Variants in PLEKHA7 observed in about 807,000 individuals in gnomAD.
PLEKHA7 encodes pleckstrin homology domain containing A7.
In PLEKHA7, 104 loss-of-function variants were observed where a neutral mutation model predicts 170.0. The observed-to-expected ratio is 0.61, with a 90% confidence interval of 0.52 to 0.72. The LOEUF (loss-of-function observed/expected upper bound fraction) is 0.72. Among genes scored for constraint, PLEKHA7 ranks in the 30% least tolerant of loss-of-function variants. The pLI, the probability that PLEKHA7 is intolerant of heterozygous loss-of-function variation, is 0.00. For synonymous variants in PLEKHA7, 648 were observed against 660.8 expected (o/e 0.98, Z 0.30); for missense variants, 1,615 against 1,671.7 (o/e 0.97, Z 0.59).
At chr11:16,796,986 A>T (rs1246992193) in intron 17 of PLEKHA7, among the ~76,000 whole-genome samples, 1 of 152,230 alleles carries the variant, frequency 6.6e-6, no homozygotes, top group Non-Finnish European at 1.5e-5. Flanking sequence ...TAATTTTATG[A>T]CATGTGAAAT....
chr11:16,780,591 C>T (rs1848948555), intron 26 of PLEKHA7, among the ~76,000 whole-genome samples: 1 of 152,242 alleles, frequency 6.6e-6, no homozygotes, highest in South Asian at 2.1e-4. Flanking sequence ...CTCTTCCTTT[C>T]CAGCCCCCCA....
chr11:16,974,108 T>C (rs916969696), intron 3 of PLEKHA7, among the ~76,000 whole-genome samples: 1 of 152,164 alleles, frequency 6.6e-6, no homozygotes, highest in African/African-American at 2.4e-5. Context: ...AATTTTAAAA[T>C]AGTTCAAACC....
intron 3 of PLEKHA7, among the ~76,000 whole-genome samples, chr11:16,977,925 A>G (rs1336553144): frequency 6.6e-6 from 1 of 152,036 alleles, no homozygotes; most frequent in Admixed American, 6.5e-5. Flanking sequence ...ACAAGACAAC[A>G]TCAGGGGCCC....
At chr11:16,799,114 G>A (rs1244075698) in intron 17 of PLEKHA7, among the ~76,000 whole-genome samples, 1 of 152,122 alleles carries the variant, frequency 6.6e-6, no homozygotes, top group East Asian at 1.9e-4. Flanking sequence ...GTGTAAATGA[G>A]GAATACATTT....
intron 5 of PLEKHA7, 85 bp from the exon 6 acceptor site, chr11:16,855,078 C>T: frequency 9.2e-7 from 1 of 1,089,340 alleles, no homozygotes; most frequent in South Asian, 1.3e-5. Flanking sequence ...ACCGTCGGCT[C>T]TCTCTGCCTC....
chr11:16,899,394 G>A (rs999892397), intron 3 of PLEKHA7, among the ~76,000 whole-genome samples: 4 of 152,326 alleles, frequency 2.6e-5, no homozygotes, highest in Non-Finnish European at 5.9e-5. Context: ...CTACTAGGGA[G>A]GCTGAGGAAG....
At chr11:16,937,116 C>T (rs922923280) in intron 3 of PLEKHA7, among the ~76,000 whole-genome samples, 3 of 151,758 alleles carry the variant, frequency 2.0e-5, no homozygotes, top group Non-Finnish European at 4.4e-5. Flanking sequence ...TGTTAATAAC[C>T]GTGGAGTAAA....
chr11:16,787,706 CAA>C (rs1400886544), intron 23 of PLEKHA7: 1 of 152,142 alleles, frequency 6.6e-6, no homozygotes, highest in African/African-American at 2.4e-5. Flanking sequence ...GAGACTTACA[CAA>C]GTCTTCTTTT....
chr11:16,984,522 G>A (rs926875463), intron 3 of PLEKHA7, among the ~76,000 whole-genome samples: 21 of 152,080 alleles, frequency 1.4e-4, no homozygotes, highest in Middle Eastern at 3.4e-3. Flanking sequence ...CTGTTTCCTC[G>A]TCATGGCATG....
intron 3 of PLEKHA7, among the ~76,000 whole-genome samples, chr11:16,894,262 G>A (rs1856860462): frequency 6.6e-6 from 1 of 152,134 alleles, no homozygotes; most frequent in African/African-American, 2.4e-5. Context: ...CTAGGAAAGG[G>A]CAAAATGGGA....
chr11:16,912,857 C>T (rs1858351157), intron 3 of PLEKHA7, among the ~76,000 whole-genome samples: 2 of 152,196 alleles, frequency 1.3e-5, no homozygotes. Flanking sequence ...TGACTCGCTC[C>T]ACCCTGCTGG....
Position 16,789,919 on chromosome 11 carries a change from G to A in PLEKHA7, c.3053-41C>T. 6.5e-7 allele frequency: 1 copy of A among 1,548,300 alleles called. No homozygotes were observed. Among genetic ancestry groups the A allele is most frequent in the South Asian group, 1.1e-5 (1 of 89,420 alleles). ...GAAGTGCAAGCATGTTTGTGCTGGG[G>A]TGGATGGGTCCCTGCTTCTCCCTCA... On this transcript the variant is annotated intron_variant, in intron 21 of 26. Transcript: ENST00000531066. This position sits in a 1 kb window ranked among gnomAD's most constrained non-coding sequence, Gnocchi z 4.6.
At chr11:16,929,227 A>G (rs1306450728) in intron 3 of PLEKHA7, among the ~76,000 whole-genome samples, 1 of 152,218 alleles carries the variant, frequency 6.6e-6, no homozygotes, top group Admixed American at 6.5e-5. Flanking sequence ...AAGGACAGAA[A>G]GTACATCGTC....
chr11:16,938,075 A>ATT (rs1730090727), intron 3 of PLEKHA7, among the ~76,000 whole-genome samples: 3 of 151,968 alleles, frequency 2.0e-5, no homozygotes, highest in Non-Finnish European at 4.4e-5. Context: ...TTTTCCTCTT[A>ATT]CTTATATTTT....
chr11:16,964,260 T>C (rs906741475), intron 3 of PLEKHA7, among the ~76,000 whole-genome samples: 2 of 152,214 alleles, frequency 1.3e-5, no homozygotes, highest in Admixed American at 1.3e-4. Context: ...CTACCATGAA[T>C]AATGCTGCAA....
intron 3 of PLEKHA7, among the ~76,000 whole-genome samples, chr11:16,961,835 C>T (rs1248581956): frequency 6.6e-6 from 1 of 152,342 alleles, no homozygotes; most frequent in East Asian, 1.9e-4. Context: ...TTCACTTCTC[C>T]GTGCTTCAGT....
chr11:16,935,110 G>A (rs1860197376), intron 3 of PLEKHA7, among the ~76,000 whole-genome samples: 1 of 152,202 alleles, frequency 6.6e-6, no homozygotes, highest in East Asian at 1.9e-4. Context: ...GGGAAATTGG[G>A]AAAAAGAACC....
chr11:16,972,175 T>C (rs1862761025), intron 3 of PLEKHA7, among the ~76,000 whole-genome samples: 1 of 152,086 alleles, frequency 6.6e-6, no homozygotes, highest in African/African-American at 2.4e-5. Flanking sequence ...CTCGCTGGAG[T>C]GCAGTGGCAT....
chr11:16,906,302 T>TCCTCTTCTCCCTCTC (rs1857685038), intron 3 of PLEKHA7, among the ~76,000 whole-genome samples: 1 of 89,234 alleles, frequency 1.1e-5, no homozygotes, highest in Admixed American at 1.1e-4. Flanking sequence ...TTGGAAAGGC[T>TCCTCTTCTCCCTCTC]CCTCCTCTCC....
Sources: allele counts gnomAD v4.1 joint callset (sites outside exome capture counted in the v4.1 genomes callset), GRCh38; gene constraint gnomAD v4.1.1; non-coding constraint Gnocchi (gnomAD v3.1); transcripts MANE v1.5; gene names NCBI Gene and HGNC (gene_info 2026-07-23, HGNC 2026-07-21).